BORA: variants seen among roughly 807,000 people sequenced by gnomAD.
The protein encoded by BORA is BORA aurora kinase A activator, also known as protein aurora borealis.
Under a neutral mutation model 55.8 loss-of-function variants are expected in BORA, and 26 were observed. The observed-to-expected ratio is 0.47, with a 90% CI of 0.34 to 0.65. The LOEUF (loss-of-function observed/expected upper bound fraction) is 0.65. Among genes scored for constraint, BORA ranks in the 30% least tolerant of loss-of-function variants. The pLI is 0.01. For missense variants in BORA, 568 were observed against 671.5 expected (o/e 0.85, Z 1.70); for synonymous variants, 201 against 216.9 (o/e 0.93, Z 0.64).
chr13:72,742,775 C>T (rs930516413), intron 5 of BORA, among the ~76,000 whole-genome samples: 405 of 2,820 alleles, frequency 0.14, 1 homozygote, highest in South Asian at 0.33. Flanking sequence ...TATACACACA[C>T]ACACACACAC....
chr13:72,730,392 G>T (rs1200008230), intron 2 of BORA, among the ~76,000 whole-genome samples: 1 of 152,148 alleles, frequency 6.6e-6, no homozygotes, highest in Non-Finnish European at 1.5e-5. Context: ...GGAATGTATG[G>T]CATCTTGCGT....
chr13:72,753,422 G>A (rs1168120055), intron 10 of BORA: 3 of 267,380 alleles, frequency 1.1e-5, no homozygotes, highest in Non-Finnish European at 2.1e-5. Flanking sequence ...TAACAGGAAA[G>A]CATTGTGTCA....
At chr13:72,742,599 T>C (rs2033054464) in intron 5 of BORA, among the ~76,000 whole-genome samples, 1 of 151,984 alleles carries the variant, frequency 6.6e-6, no homozygotes, top group African/African-American at 2.4e-5. Flanking sequence ...GATTCATCAG[T>C]CCTACTACTG....
Position 72,755,406 on chromosome 13 carries a change from T to C in BORA, c.*190T>C. The C allele has an allele frequency of 5.6e-6, 3 of 532,602 alleles. No homozygotes were observed. The highest frequency in any genetic ancestry group is 6.6e-6 in the Non-Finnish European group (2 of 301,684). 33.0% of individuals were successfully genotyped at this position (532,602 alleles called of 1,614,324 possible). On this transcript the variant is annotated 3_prime_UTR_variant, in exon 12 of 12. Transcript: ENST00000390667. ...AAATGCTCCTGGAACTTCAAGTTGC[T>C]GAATTATAAGTTTATTTTTTATCAA... is the stretch of plus-strand genomic sequence containing the variant.
At position 72,753,741 on chromosome 13, in the gene BORA, G is replaced by A. The variant is rs2033347877; in HGVS notation, c.1534G>A (p.Val512Ile). The change falls in exon 11 of 12, where the codon GTT (valine) becomes ATT (isoleucine). Residue 512 changes from valine (V) to isoleucine (I), a missense_variant. By Grantham distance (29) the Val-to-Ile change is conservative. Transcript: ENST00000390667. ...QNCGSNIMDTVGAESYCKESD... is the reference protein window; with the variant it reads ...QNCGSNIMDTIGAESYCKESD... ...TTGTGGAAGCAATATTATGGATACA[G>A]TTGGGGCAGAAAGTTACTGCAAAGA... 1 of 1,613,464 alleles carries A rather than the reference G, an allele frequency of 6.2e-7. No homozygotes were observed. The highest frequency in any genetic ancestry group is 8.5e-7 in the Non-Finnish European group (1 of 1,179,690).
chr13:72,754,931 C>G (rs908883490), intron 11 of BORA: 13 of 453,944 alleles, frequency 2.9e-5, no homozygotes, highest in African/African-American at 2.6e-4. Flanking sequence ...CAGGGCTAGT[C>G]CCAAACTCCT....
At chr13:72,740,500 G>T (rs1161845696) in intron 5 of BORA, among the ~76,000 whole-genome samples, 3 of 152,084 alleles carry the variant, frequency 2.0e-5, no homozygotes, top group Admixed American at 1.3e-4. Context: ...TCACATTTCA[G>T]GTGCTCAATA....
intron 3 of BORA, among the ~76,000 whole-genome samples, chr13:72,732,669 T>G (rs1593805706): frequency 6.6e-6 from 1 of 151,868 alleles, no homozygotes; most frequent in Admixed American, 6.6e-5. Context: ...AGAGCAAGAC[T>G]CCATCTCAAA....
chr13:72,734,827 A>G, intron 3 of BORA, 133 bp from the exon 4 acceptor site: 1 of 610,618 alleles, frequency 1.6e-6, no homozygotes, highest in Non-Finnish European at 2.8e-6. Context: ...TACCACTAGT[A>G]TTAATTATAA....
Position 72,745,968 on chromosome 13 carries a change from C to T in BORA, c.763C>T (p.Gln255Ter). 1.2e-6 allele frequency: 2 copies of T among 1,612,380 alleles called. No individual in the cohort carries two copies. The highest frequency in any genetic ancestry group is 1.7e-6 in the Non-Finnish European group (2 of 1,178,860). ...GGGGCAGTTTTCTTCTAGCCCTATT[C>T]AGGCTAGTGCAAAAAAATACAGCTT... ...SSGQFSSSPI[Q>*]ASAKKYSLGS... The change falls in exon 9 of 12, where the codon CAG becomes TAG. Residue 255 changes from glutamine (Q) to a stop codon, truncating the protein, a stop_gained. Transcript: ENST00000390667. LOFTEE classifies it high-confidence loss of function.
chr13:72,755,270 T>C lies in BORA; in HGVS notation c.*54T>C. On this transcript the variant is annotated 3_prime_UTR_variant, in exon 12 of 12. Coordinates refer to ENST00000390667, the MANE Select transcript of BORA (RefSeq NM_024808.5). ...CTTAAGAGTTCCTCGCATATATCGT[T>C]GTGCACAGGATCAACATGATGGTGA... 1 of 1,439,260 alleles carries C rather than the reference T, an allele frequency of 6.9e-7. No individual in the cohort carries two copies. The highest frequency in any genetic ancestry group is 1.2e-5 in the South Asian group (1 of 86,950). 89.2% of individuals were successfully genotyped at this position (1,439,260 alleles called of 1,614,324 possible).
rs2032714101 is a variant in BORA at position 72,728,018 on chromosome 13, TC to T, written c.-16+12del. 1 of 1,427,628 alleles carries T rather than the reference TC, an allele frequency of 7.0e-7. No individual in the cohort carries two copies. Among genetic ancestry groups the T allele is most frequent in the Non-Finnish European group, 9.3e-7 (1 of 1,080,646 alleles). 88.4% of individuals were successfully genotyped at this position (1,427,628 alleles called of 1,614,324 possible). ...GTTTTGTACGCACCGGTAGGTACGC[TC>T]TTTGTGGTCCCTGGCCTTTCCTCCT... On this transcript the variant is annotated intron_variant, in intron 1 of 11. Transcript: ENST00000390667.
intron 10 of BORA, among the ~76,000 whole-genome samples, chr13:72,749,830 T>C (rs1163811862): frequency 6.6e-6 from 1 of 152,162 alleles, no homozygotes; most frequent in Non-Finnish European, 1.5e-5. Context: ...TGACAACTTA[T>C]TGATTACATC....
intron 5 of BORA, among the ~76,000 whole-genome samples, chr13:72,740,619 A>G (rs1432079610): frequency 6.6e-6 from 1 of 152,166 alleles, no homozygotes; most frequent in Non-Finnish European, 1.5e-5. Context: ...AGTGTAAAGG[A>G]TTCAATAATA....
In BORA at chr13:72,735,018, G is replaced by A. The variant is rs755407256; in HGVS notation, c.306+13G>A. 3.2e-6 allele frequency: 5 copies of A among 1,577,362 alleles called. No individual in the cohort carries two copies. The South Asian group carries it at 5.6e-5, about 18-fold the overall frequency. On this transcript the variant is annotated intron_variant, in intron 4 of 11. Transcript: ENST00000390667. Reference sequence around the variant, plus strand: ...AGCCATTGAAGAGGTAACTTAAACTGTTACTGATCATTAAATCAGTTAAGG... The same window carrying A: ...AGCCATTGAAGAGGTAACTTAAACTATTACTGATCATTAAATCAGTTAAGG...
Position 72,746,487 on chromosome 13 carries a change from T to C in BORA, c.872-14T>C. ...TTTTTATGATGTGATTTTTTTTCCCTTCCCACCTTTCAGAACAAAGGAAGT... is the reference window on the plus strand; with the variant it reads ...TTTTTATGATGTGATTTTTTTTCCCCTCCCACCTTTCAGAACAAAGGAAGT... On this transcript the variant is annotated splice_polypyrimidine_tract_variant and intron_variant, in intron 9 of 11. Coordinates refer to ENST00000390667, the MANE Select transcript of BORA (RefSeq NM_024808.5). 1 of 1,589,876 alleles carries C rather than the reference T, an allele frequency of 6.3e-7. No homozygotes were observed. Among genetic ancestry groups the C allele is most frequent in the Non-Finnish European group, 8.6e-7 (1 of 1,166,420 alleles).
At chr13:72,744,225 A>G (rs1187646563) in intron 6 of BORA, among the ~76,000 whole-genome samples, 2 of 152,162 alleles carry the variant, frequency 1.3e-5, no homozygotes, top group South Asian at 2.1e-4. Context: ...AATGTGAGAA[A>G]TCTCCCCCCA....
chr13:72,754,522 CAACAA>C, intron 11 of BORA: 1 of 151,922 alleles, frequency 6.6e-6, no homozygotes, highest in African/African-American at 2.4e-5. Flanking sequence ...AGCAAATGTG[CAACAA>C]ATGTTTAATA....
intron 3 of BORA, among the ~76,000 whole-genome samples, chr13:72,732,648 G>A (rs2032843499): frequency 6.6e-6 from 1 of 152,110 alleles, no homozygotes. Flanking sequence ...TTGCACTCTA[G>A]CCTGGGGGAC....
Sources: allele counts gnomAD v4.1 joint callset (sites outside exome capture counted in the v4.1 genomes callset), GRCh38; gene constraint gnomAD v4.1.1; transcripts MANE v1.5; gene names NCBI Gene and HGNC (gene_info 2026-07-23, HGNC 2026-07-21).